The following ARF5 variants were observed in gnomAD, a reference collection of about 807,000 sequenced individuals.
The protein encoded by ARF5 is ARF GTPase 5, also known as ADP-ribosylation factor 5.
In ARF5, 10 loss-of-function variants were observed where a neutral mutation model predicts 24.8. The ratio of observed to expected loss-of-function variants is 0.40; its 90% confidence interval spans 0.25 to 0.68. The LOEUF is 0.68. ARF5 is among the 30% of genes least tolerant of loss of function. ARF5 has a pLI of 0.36. For synonymous variants in ARF5, 102 were observed against 95.1 expected (o/e 1.07, Z -0.42); for missense variants, 135 against 239.2 (o/e 0.56, Z 2.87).
chr7:127,588,769 G>C, intron 1 of ARF5: 1 of 594,288 alleles, frequency 1.7e-6, no homozygotes. Flanking sequence ...GGGCCTGGGT[G>C]GGGTGAAGCT....
At position 127,589,135 on chromosome 7, in the gene ARF5, G is replaced by A; in HGVS notation, c.120G>A (p.Gly40=). The change falls in exon 2 of 6, where the codon GGG becomes GGA. Residue 40 remains glycine, a synonymous_variant. Transcript: ENST00000000233. ...KTTILYKLKL[G]EIVTTIPTIG... The stretch of plus-strand genomic sequence containing the variant: ...CAATCCTGTACAAACTGAAGTTGGG[G>A]GAGATTGTCACCACCATCCCAACCA... 6 of 1,614,216 alleles carry A rather than the reference G, an allele frequency of 3.7e-6. No individual in the cohort carries two copies. Among genetic ancestry groups the A allele is most frequent in the Non-Finnish European group, 5.1e-6 (6 of 1,180,024 alleles).
intron 1 of ARF5, 167 bp downstream of exon 1, chr7:127,588,732 ACC>A: frequency 2.8e-6 from 2 of 704,546 alleles, no homozygotes; most frequent in Non-Finnish European, 4.3e-6. Flanking sequence ...TGCATCGCCG[ACC>A]CCGGGGCCTG....
intron 4 of ARF5, 108 bp downstream of exon 4, chr7:127,590,245 A>G (rs1056413123): frequency 1.5e-5 from 14 of 906,642 alleles, no homozygotes; most frequent in African/African-American, 1.2e-4. Flanking sequence ...GACCAGGAAT[A>G]TAAGTTTTTC....
chr7:127,590,024 C>A, intron 3 of ARF5, 42 bp from the exon 4 acceptor site: 1 of 1,535,706 alleles, frequency 6.5e-7, no homozygotes, highest in Non-Finnish European at 9.0e-7. Flanking sequence ...ATGTCCCAGG[C>A]AGAAGTGATT....
At chr7:127,588,604 G>C (rs778348214) in intron 1 of ARF5, 39 bp downstream of exon 1, 1 of 1,310,702 alleles carries the variant, frequency 7.6e-7, no homozygotes, top group African/African-American at 1.5e-5. Context: ...CCGGGGCGCC[G>C]GCCCCGGCGC....
chr7:127,588,821 C>T (rs1272119514), intron 1 of ARF5: 1 of 576,698 alleles, frequency 1.7e-6, no homozygotes, highest in East Asian at 3.1e-5. Flanking sequence ...AGGATTCCGC[C>T]CTTGGAGACG....
chr7:127,590,173 C>T lies in ARF5; in HGVS notation c.330+36C>T, dbSNP rs367582686. The stretch of plus-strand genomic sequence containing the variant: ...AGAGCCCTGGGAACTGAGCCCTCAG[C>T]TTGGGGACAGAGTGATCTCTGTAGT... On this transcript the variant is annotated intron_variant, in intron 4 of 5. Transcript: ENST00000000233. 5 of 1,564,938 alleles carry T rather than the reference C, an allele frequency of 3.2e-6. No homozygotes were observed. The African/African-American group carries it at 6.8e-5, about 21-fold the overall frequency.
intron 3 of ARF5, 91 bp downstream of exon 3, chr7:127,589,685 C>A: frequency 2.7e-6 from 3 of 1,091,182 alleles, no homozygotes; most frequent in Non-Finnish European, 4.0e-6. Context: ...GGCCCCCAGG[C>A]CAAGGAAAAA....
chr7:127,590,995 G>T lies in ARF5; in HGVS notation c.363G>T (p.Leu121=), dbSNP rs771831025. 4.3e-6 allele frequency: 7 copies of T among 1,613,888 alleles called. No homozygotes were observed. The Admixed American group carries it at 8.3e-5, about 19-fold the overall frequency. ...LQEDELRDAV[L]LVFANKQDMP... ...AGGACGAGCTGCGGGATGCAGTGCT[G>T]CTGGTATTTGCCAACAAGCAGGACA... Residue 121 remains leucine, a synonymous_variant, in exon 5 of 6, where the codon CTG becomes CTT. Transcript: ENST00000000233.
At position 127,591,319 on chromosome 7, in the gene ARF5, T is replaced by C. The variant is rs752982209; in HGVS notation, c.*20T>C. ...CGCTAACCAGCCAGGGGCAGGCCCC[T>C]GATGCCCGGAAGCTCCTGCGTGCAT... On this transcript the variant is annotated 3_prime_UTR_variant, in exon 6 of 6. Transcript: ENST00000000233. 1 of 1,566,356 alleles carries C rather than the reference T, an allele frequency of 6.4e-7. No individual in the cohort carries two copies. Among genetic ancestry groups the C allele is most frequent in the Non-Finnish European group, 8.6e-7 (1 of 1,161,566 alleles).
At chr7:127,589,360 G>T in intron 2 of ARF5, 125 bp from the exon 3 acceptor site, 1 of 1,081,978 alleles carries the variant, frequency 9.2e-7, no homozygotes, top group African/African-American at 1.6e-5. Context: ...GCCAGTTCTG[G>T]GGTTCTGTTC....
Position 127,591,482 on chromosome 7 carries a change from G to A in ARF5, c.*183G>A. 1.8e-6 allele frequency: 1 copy of A among 564,316 alleles called. No homozygotes were observed. Among genetic ancestry groups the A allele is most frequent in the Non-Finnish European group, 3.0e-6 (1 of 332,234 alleles). 35.0% of individuals were successfully genotyped at this position (564,316 alleles called of 1,614,324 possible). A position where few individuals can be genotyped will look rare whatever the true frequency, so the allele number is the denominator to read the frequency against. On this transcript the variant is annotated 3_prime_UTR_variant, in exon 6 of 6. Coordinates refer to ENST00000000233, the MANE Select transcript of ARF5 (RefSeq NM_001662.4). ...GTTGGAGCCTGGAGCCTTGCTCTCT[G>A]GGCACAGAGGGGTCCACTCTCCTGC... is the stretch of plus-strand genomic sequence containing the variant.
rs975283651 is a variant in ARF5 at position 127,588,822 on chromosome 7, C to G, written c.67+257C>G. Reference sequence around the variant, plus strand: ...GCTGGTAAGAAGGGAGGATTCCGCCCTTGGAGACGACTTTTAAAACGAGCG... The same window carrying G: ...GCTGGTAAGAAGGGAGGATTCCGCCGTTGGAGACGACTTTTAAAACGAGCG... On this transcript the variant is annotated intron_variant, in intron 1 of 5. Coordinates refer to ENST00000000233, the MANE Select transcript of ARF5 (RefSeq NM_001662.4). 4 of 577,766 alleles carry G rather than the reference C, an allele frequency of 6.9e-6. No individual in the cohort carries two copies. The African/African-American group carries it at 7.7e-5, about 11-fold the overall frequency. 35.8% of individuals were successfully genotyped at this position (577,766 alleles called of 1,614,324 possible).
intron 1 of ARF5, chr7:127,588,784 C>T: frequency 1.7e-6 from 1 of 573,218 alleles, no homozygotes; most frequent in Admixed American, 3.6e-5. Context: ...GAAGCTCCCT[C>T]CGCCCCAGCC....
intron 1 of ARF5, 130 bp downstream of exon 1, chr7:127,588,695 G>T: frequency 1.1e-6 from 1 of 917,888 alleles, no homozygotes; most frequent in Non-Finnish European, 1.5e-6. Context: ...ACGCCCCGGG[G>T]CCTCTGCTCT....
At position 127,589,537 on chromosome 7, in the gene ARF5, C is replaced by T. The variant is rs751090975; in HGVS notation, c.201C>T (p.Asp67=). ...EYKNICFTVW[D]VGGQDKIRPL... ...AGAACATCTGTTTCACAGTCTGGGA[C>T]GTGGGAGGCCAGGACAAGATTCGGC... Residue 67 remains aspartate (D), a synonymous_variant, in exon 3 of 6, where the codon GAC becomes GAT. Transcript: ENST00000000233. 1.9e-6 allele frequency: 3 copies of T among 1,614,010 alleles called. No individual in the cohort carries two copies. The highest frequency in any genetic ancestry group is 2.2e-5 in the South Asian group (2 of 91,072).
chr7:127,589,201 GGCGGGCCCT>G, intron 2 of ARF5, 38 bp downstream of exon 2: 1 of 1,609,724 alleles, frequency 6.2e-7, no homozygotes, highest in Non-Finnish European at 8.5e-7. Context: ...GGAGCGCCGC[GGCGGGCCCT>G]CGCGGGGTCT....
intron 4 of ARF5, 136 bp from the exon 5 acceptor site, chr7:127,590,827 A>C: frequency 8.3e-7 from 1 of 1,204,860 alleles, no homozygotes; most frequent in South Asian, 1.7e-5. Context: ...GCTCATTTAC[A>C]ACTATGTCTT....
intron 2 of ARF5, 31 bp downstream of exon 2, chr7:127,589,194 G>C: frequency 6.2e-7 from 1 of 1,612,182 alleles, no homozygotes; most frequent in Non-Finnish European, 8.5e-7. Context: ...GGGAGCGGGA[G>C]CGCCGCGGCG....
Sources: gnomAD v4.1 joint callset for allele counts on GRCh38, gnomAD v4.1.1 for gene constraint, MANE v1.5 for transcripts, NCBI Gene and HGNC (gene_info 2026-07-23, HGNC 2026-07-21) for gene names.